DPH6: variants seen among roughly 807,000 people sequenced by gnomAD.
The protein encoded by DPH6 is diphthamine biosynthesis 6.
A neutral mutation model predicts 38.2 loss-of-function variants in DPH6; 33 were observed. The observed-to-expected ratio is 0.86, with a 90% CI of 0.65 to 1.15. DPH6 has a LOEUF of 1.15. DPH6 is among the 50% of genes most tolerant of loss of function. DPH6 has a pLI of 0.00. For missense variants in DPH6, 325 were observed against 320.0 expected (o/e 1.02, Z -0.12); for synonymous variants, 108 against 103.0 (o/e 1.05, Z -0.30).
chr15:35,183,090 A>C, the DPH6 span, among the ~76,000 whole-genome samples: 1 of 152,228 alleles, frequency 6.6e-6, no homozygotes, highest in African/African-American at 2.4e-5. Flanking sequence ...CATATCACTC[A>C]TAGCCTTTAA....
At chr15:35,520,908 G>A (rs1204122939) in intron 3 of DPH6, 7 of 984,966 alleles carry the variant, frequency 7.1e-6, no homozygotes, top group Non-Finnish European at 8.4e-6. Context: ...AACTCATTTT[G>A]TCACTCTCAA....
At chr15:35,298,554 G>A (rs1210306801) in intron 3 of DPH6, 1 of 784,096 alleles carries the variant, frequency 1.3e-6, no homozygotes, top group Non-Finnish European at 2.4e-6. Flanking sequence ...AGACACTTAA[G>A]TATTTCAGTC....
intron 3 of DPH6, among the ~76,000 whole-genome samples, chr15:35,240,786 T>C (rs1396307996): frequency 6.9e-6 from 1 of 144,118 alleles, no homozygotes; most frequent in Non-Finnish European, 1.5e-5. Context: ...GGCCGTCTTA[T>C]TCTCAATATA....
chr15:35,427,062 C>T (rs2053578943), intron 5 of DPH6, among the ~76,000 whole-genome samples: 1 of 151,144 alleles, frequency 6.6e-6, no homozygotes, highest in Non-Finnish European at 1.5e-5. Flanking sequence ...TAAATAGACA[C>T]CATGAGTGGT....
chr15:35,538,109 T>C (rs1026693202), intron 3 of DPH6, 165 bp downstream of exon 3: 19 of 461,444 alleles, frequency 4.1e-5, no homozygotes, highest in Non-Finnish European at 5.6e-5. Flanking sequence ...TATAAAGGCA[T>C]ACTAATCATT....
rs181409342 is a variant in DPH6, at chr15:35,251,728, A to G, written n.201-31146T>C. 3.9e-5 allele frequency among the ~76,000 whole-genome samples: 6 copies of G among 152,336 alleles called. No homozygotes were observed. In the East Asian group the frequency reaches 9.6e-4, roughly 24 times the overall value. On this transcript the variant is annotated intron_variant and non_coding_transcript_variant, in intron 3 of 3. Transcript: ENST00000560386. ...ATTGACTCATAAAATCTCAAACTCT[A>G]ACCTAATGCCTTGCGTACAGTTTAC...
At chr15:35,408,135 T>C (rs535573724) in intron 6 of DPH6, among the ~76,000 whole-genome samples, 1 of 151,950 alleles carries the variant, frequency 6.6e-6, no homozygotes, top group South Asian at 2.1e-4. Context: ...TATTCGGAAA[T>C]ACAGCAGACA....
chr15:35,426,827 C>T (rs981327213), intron 5 of DPH6, among the ~76,000 whole-genome samples: 2 of 149,422 alleles, frequency 1.3e-5, no homozygotes, highest in African/African-American at 4.9e-5. Context: ...TATACTGTGA[C>T]ATTATCTGAA....
chr15:35,436,701 GT>G (rs552139967), intron 5 of DPH6, among the ~76,000 whole-genome samples: 26 of 149,630 alleles, frequency 1.7e-4, no homozygotes, highest in East Asian at 2.0e-4. Context: ...TTGCATTTAA[GT>G]TTTTTTTGTT....
chr15:35,498,817 T>G (rs2054589267), intron 3 of DPH6, among the ~76,000 whole-genome samples: 1 of 151,950 alleles, frequency 6.6e-6, no homozygotes, highest in South Asian at 2.1e-4. Flanking sequence ...TATATAATTT[T>G]GTATCTTAAA....
chr15:35,171,292 G>A, the DPH6 span, among the ~76,000 whole-genome samples: 578 of 152,332 alleles, frequency 3.8e-3, 5 homozygotes, highest in African/African-American at 0.013. Flanking sequence ...ATCAGGATAC[G>A]ACCTGTGCCA....
rs549176755 is a variant in DPH6, at chr15:35,287,088, G to A, written n.201-66506C>T. Among the ~76,000 whole-genome samples the A allele has an allele frequency of 1.1e-4, 17 of 152,114 alleles. 1 individual carries two copies. In the South Asian group the frequency reaches 2.1e-3, roughly 19 times the overall value. The stretch of plus-strand genomic sequence containing the variant: ...ACCAACTCTTAATGAAATAAATATC[G>A]TACAGCATATCCACAATGCTGAAAT... On this transcript the variant is annotated intron_variant and non_coding_transcript_variant, in intron 3 of 3. Coordinates refer to the DPH6 transcript ENST00000560386.
intron 3 of DPH6, among the ~76,000 whole-genome samples, chr15:35,527,884 C>T (rs1406348329): frequency 6.6e-6 from 1 of 152,124 alleles, no homozygotes; most frequent in Non-Finnish European, 1.5e-5. Context: ...TAAATCTACA[C>T]TTTAGAAAGA....
intron 3 of DPH6, among the ~76,000 whole-genome samples, chr15:35,312,010 G>A (rs1290270659): frequency 5.3e-4 from 54 of 102,122 alleles, no homozygotes; most frequent in Middle Eastern, 6.1e-3. Flanking sequence ...TTAAGAAAAT[G>A]AAAAAAAAAA....
At chr15:35,214,760 C>T (rs1012660485), downstream of DPH6, among the ~76,000 whole-genome samples, 1 of 152,276 alleles carries the variant, frequency 6.6e-6, no homozygotes, top group East Asian at 1.9e-4. Flanking sequence ...GGCATCACCA[C>T]CACATCCGGC....
chr15:35,299,489 C>T (rs2052039552), intron 3 of DPH6: 3 of 746,118 alleles, frequency 4.0e-6, no homozygotes, highest in South Asian at 1.4e-5. Context: ...GCCCATGGGC[C>T]GCGGTGGCGG....
chr15:35,191,012 A>C, the DPH6 span, among the ~76,000 whole-genome samples: 1 of 152,220 alleles, frequency 6.6e-6, no homozygotes, highest in Admixed American at 6.5e-5. Flanking sequence ...TATTTAAGGA[A>C]GTGCTCAGCA....
intron 6 of DPH6, chr15:35,400,648 C>A: frequency 3.5e-6 from 2 of 564,996 alleles, no homozygotes; most frequent in Non-Finnish European, 3.2e-6. Flanking sequence ...CCAGTGGATG[C>A]CACCGAGGAA....
chr15:35,152,296 G>A, the DPH6 span, among the ~76,000 whole-genome samples: 1 of 152,032 alleles, frequency 6.6e-6, no homozygotes. Context: ...GGAGAGTTCT[G>A]TGCCTAGTAT....
Sources: allele counts gnomAD v4.1 joint callset (sites outside exome capture counted in the v4.1 genomes callset), GRCh38; gene constraint gnomAD v4.1.1; transcripts MANE v1.5; gene names NCBI Gene and HGNC (gene_info 2026-07-23, HGNC 2026-07-21).